Variants in PPRC1 observed in about 807,000 individuals in gnomAD.
PPRC1 encodes peroxisome proliferator-activated receptor gamma coactivator-related protein 1.
A neutral mutation model predicts 132.5 loss-of-function variants in PPRC1; 23 were observed. The observed-to-expected ratio is 0.17, with a 90% CI of 0.12 to 0.25. The LOEUF (loss-of-function observed/expected upper bound fraction) is 0.25. Ranked by LOEUF, PPRC1 falls within the 10% of genes least tolerant of loss-of-function variation. The pLI, the probability that PPRC1 is intolerant of heterozygous loss-of-function variation, is 1.00. For missense variants in PPRC1, 2,006 were observed against 2,089.1 expected, an observed-to-expected ratio of 0.96 and a Z score of 0.78; for synonymous variants, 872 against 833.5, an observed-to-expected ratio of 1.05 and a Z score of -0.80.
intron 9 of PPRC1, 53 bp downstream of exon 9, chr10:102,147,445 C>G: frequency 6.6e-7 from 1 of 1,522,252 alleles, no homozygotes; most frequent in East Asian, 2.3e-5. Context: ...TCACGTACTT[C>G]TGTGGTTTAC....
intron 6 of PPRC1, among the ~76,000 whole-genome samples, chr10:102,143,598 CAAAA>C (rs774584823): frequency 2.6e-4 from 15 of 57,906 alleles, no homozygotes; most frequent in Non-Finnish European, 4.5e-4. Context: ...GACTCTGTCT[CAAAA>C]AAAAAAAAAA....
At position 102,140,837 on chromosome 10, in the gene PPRC1, G is replaced by C. The variant is rs780228167; in HGVS notation, c.2329G>C (p.Gly777Arg). Residue 777 changes from glycine (G) to arginine (R), a missense_variant, in exon 5 of 14, where the codon GGG (glycine) becomes CGG (arginine). Physicochemically the swap from Gly to Arg is moderately radical, Grantham distance 125 (BLOSUM62 -2). Around this residue, in one of 2 missense-constraint regions of PPRC1, gnomAD observed 1,914 missense variants for 1,917.2 expected, o/e 1.00. Coordinates refer to ENST00000278070, the MANE Select transcript of PPRC1 (RefSeq NM_015062.5). Reference protein sequence around the residue: ...TEERSPQPPTGKWPSLPETPT... With the variant: ...TEERSPQPPTRKWPSLPETPT... ...AGAGAGAAGTCCACAGCCCCCAACTGGGAAGTGGCCTAGCCTTCCAGAGAC... is the reference window on the plus strand; with the variant it reads ...AGAGAGAAGTCCACAGCCCCCAACTCGGAAGTGGCCTAGCCTTCCAGAGAC... 1.9e-6 allele frequency: 3 copies of C among 1,613,888 alleles called. No individual in the cohort carries two copies. Among genetic ancestry groups the C allele is most frequent in the Non-Finnish European group, 2.5e-6 (3 of 1,180,028 alleles).
chr10:102,133,091 G>T lies in PPRC1; in HGVS notation c.23G>T (p.Arg8Ile). The change falls in exon 1 of 14, where the codon AGA (arginine) becomes ATA (isoleucine). Residue 8 changes from arginine (R) to isoleucine (I), a missense_variant. Physicochemically the swap from Arg to Ile is moderately conservative, Grantham distance 97. Around this residue, in one of 2 missense-constraint regions of PPRC1, gnomAD observed 1,914 missense variants for 1,917.2 expected, o/e 1.00. Transcript: ENST00000278070. ...AAGATGGCGGCGCGCCGGGGACGGA[G>T]AGACGGAGTCGCGCCGCCCCCGAGT... MAARRGR[R>I]DGVAPPPSGG... The T allele has an allele frequency of 8.0e-7, 1 of 1,243,598 alleles. No individual in the cohort carries two copies. The highest frequency in any genetic ancestry group is 1.0e-6 in the Non-Finnish European group (1 of 988,130). 77.0% of individuals were successfully genotyped at this position (1,243,598 alleles called of 1,614,324 possible). A position where few individuals can be genotyped will look rare whatever the true frequency, so the allele number is the denominator to read the frequency against.
chr10:102,128,992 C>T (rs529138544), upstream of PPRC1, among the ~76,000 whole-genome samples: 146 of 138,080 alleles, frequency 1.1e-3, 1 homozygote, highest in African/African-American at 3.9e-3. Flanking sequence ...TGCAGTGGCG[C>T]GATCTCGGCT....
Position 102,142,635 on chromosome 10 carries a change from C to T in PPRC1, c.3497-410C>T, listed in dbSNP as rs186011144. The stretch of plus-strand genomic sequence containing the variant: ...TTCACCATGTTGGCCAGGTTGGTCT[C>T]AATCTCCTGACCTCGTGATCCGCCT... On this transcript the variant is annotated intron_variant, in intron 5 of 13. Coordinates refer to ENST00000278070, the MANE Select transcript of PPRC1 (RefSeq NM_015062.5). Among the ~76,000 whole-genome samples the T allele has an allele frequency of 4.5e-3, 687 of 151,626 alleles. 6 individuals are homozygous for T. Among genetic ancestry groups the T allele is most frequent in the African/African-American group, 0.016 (656 of 41,300 alleles).
rs536656760 is a variant in PPRC1 at position 102,140,609 on chromosome 10, G to T, written c.2101G>T (p.Ala701Ser). Residue 701 changes from alanine (A) to serine (S), a missense_variant, in exon 5 of 14, where the codon GCC becomes TCC. Physicochemically the swap from Ala to Ser is moderately conservative, Grantham distance 99. Coordinates refer to ENST00000278070, the MANE Select transcript of PPRC1 (RefSeq NM_015062.5). ...TCCCAGACGTGGTGCAGTGTCATCA[G>T]CCCTGGGGGGTTCAGCACCCCAGCT... ...TDPRRGAVSS[A>S]LGGSAPQLLV... 1 of 1,614,080 alleles carries T rather than the reference G, an allele frequency of 6.2e-7. No individual in the cohort carries two copies. Among genetic ancestry groups the T allele is most frequent in the Admixed American group, 1.7e-5 (1 of 60,012 alleles).
chr10:102,142,694 G>A (rs972420750), intron 5 of PPRC1, among the ~76,000 whole-genome samples: 3 of 152,126 alleles, frequency 2.0e-5, no homozygotes, highest in Non-Finnish European at 4.4e-5. Flanking sequence ...GATTACAGGT[G>A]TAAGCCACCG....
the PPRC1 span, among the ~76,000 whole-genome samples, chr10:102,124,319 T>A: frequency 3.3e-5 from 5 of 152,002 alleles, no homozygotes; most frequent in African/African-American, 1.2e-4. Flanking sequence ...TGCCTTGGCC[T>A]CCCAAAGTGC....
In PPRC1 at chr10:102,146,764, G is replaced by T; in HGVS notation, c.3772G>T (p.Ala1258Ser). Residue 1258 changes from alanine to serine, a missense_variant, in exon 9 of 14, where the codon GCC becomes TCC. Physicochemically the swap from Ala to Ser is moderately conservative, Grantham distance 99. Transcript: ENST00000278070. The part of the protein sequence containing the change: ...LAKAKSPKST[A>S]QEGTLKPEGV... ...CAAAGCCAAATCTCCTAAGTCCACCGCCCAGGAGGGAACCCTGAAGCCTGA... is the reference window on the plus strand; with the variant it reads ...CAAAGCCAAATCTCCTAAGTCCACCTCCCAGGAGGGAACCCTGAAGCCTGA... The T allele has an allele frequency of 6.2e-7, 1 of 1,613,942 alleles. No individual in the cohort carries two copies. Among genetic ancestry groups the T allele is most frequent in the Non-Finnish European group, 8.5e-7 (1 of 1,179,978 alleles).
At chr10:102,134,420 A>G (rs1478095443) in intron 1 of PPRC1, among the ~76,000 whole-genome samples, 2 of 152,006 alleles carry the variant, frequency 1.3e-5, no homozygotes, top group African/African-American at 4.8e-5. Context: ...TTATTGTTCT[A>G]CTCTACAGTG....
At chr10:102,125,925 C>G in the PPRC1 span, among the ~76,000 whole-genome samples, 5 of 150,390 alleles carry the variant, frequency 3.3e-5, no homozygotes, top group African/African-American at 9.8e-5. Flanking sequence ...TGCAGTGGCA[C>G]AATCTCGGCT....
intron 2 of PPRC1, 33 bp downstream of exon 2, chr10:102,138,071 C>T (rs758852323): frequency 4.6e-5 from 74 of 1,597,730 alleles, no homozygotes; most frequent in East Asian, 3.8e-4. Flanking sequence ...AATCTTCAAG[C>T]AGGAGGTTTA....
chr10:102,141,120 C>T lies in PPRC1; in HGVS notation c.2612C>T (p.Thr871Ile), dbSNP rs1220223193. ...PVQSVSPAVP[T>I]PPSMSAALPF... ...CAGTCTGTGTCCCCTGCTGTGCCCA[C>T]ACCTCCCTCGATGTCTGCTGCCCTG... The change falls in exon 5 of 14, where the codon ACA (threonine) becomes ATA (isoleucine). Residue 871 changes from threonine (T) to isoleucine (I), a missense_variant. Physicochemically the swap from Thr to Ile is moderately conservative, Grantham distance 89. Transcript: ENST00000278070. 6.2e-7 allele frequency: 1 copy of T among 1,614,058 alleles called. No homozygotes were observed. Among genetic ancestry groups the T allele is most frequent in the Admixed American group, 1.7e-5 (1 of 60,024 alleles).
At chr10:102,121,802 G>C in the PPRC1 span, among the ~76,000 whole-genome samples, 2 of 152,184 alleles carry the variant, frequency 1.3e-5, no homozygotes, top group African/African-American at 4.8e-5. Flanking sequence ...TTGTTACTTA[G>C]AGGGGTGTTG....
chr10:102,139,551 T>C lies in PPRC1; in HGVS notation c.1043T>C (p.Ile348Thr), dbSNP rs1278771398. Residue 348 changes from isoleucine (I) to threonine (T), a missense_variant, in exon 5 of 14, where the codon ATT becomes ACT. Physicochemically the swap from Ile to Thr is moderately conservative, Grantham distance 89. Around this residue, in one of 2 missense-constraint regions of PPRC1, gnomAD observed 1,914 missense variants for 1,917.2 expected, o/e 1.00. Transcript: ENST00000278070. ...TLPEGCVVLE[I>T]VGQAATAGDD... ...CCTGAGGGCTGCGTAGTGCTGGAGA[T>C]TGTGGGGCAGGCAGCCACAGCTGGC... The C allele has an allele frequency of 1.2e-6, 2 of 1,613,886 alleles. No individual in the cohort carries two copies. The highest frequency in any genetic ancestry group is 1.7e-6 in the Non-Finnish European group (2 of 1,179,912).
rs773668365 is a variant in PPRC1, at chr10:102,138,905, G to T, written c.516G>T (p.Arg172=). 2 of 1,614,056 alleles carry T rather than the reference G, an allele frequency of 1.2e-6. No individual in the cohort carries two copies. The highest frequency in any genetic ancestry group is 1.7e-6 in the Non-Finnish European group (2 of 1,180,002). ...SSLHKLLTLS[R]TPPERDLITP... is the part of the protein sequence containing the mutation. ...TGCACAAGCTGCTTACTCTCTCTCGGACACCCCCAGAACGTGACCTCATCA... is the reference window on the plus strand; with the variant it reads ...TGCACAAGCTGCTTACTCTCTCTCGTACACCCCCAGAACGTGACCTCATCA... Residue 172 remains arginine, a synonymous_variant, in exon 4 of 14, where the codon CGG becomes CGT. Transcript: ENST00000278070.
At chr10:102,137,717 T>C (rs1190142920) in intron 1 of PPRC1, 133 bp from the exon 2 acceptor site, 1 of 804,430 alleles carries the variant, frequency 1.2e-6, no homozygotes, top group African/African-American at 1.8e-5. Flanking sequence ...TCTGCTCTGC[T>C]AGCCCAGAAG....
rs770649952 is a variant in PPRC1, at chr10:102,148,640, T to C, written c.4563T>C (p.Tyr1521=). ...RSDRRRRYSS[Y]RSHDHYQRQR... ...CCTCTTTTGTCAGGTACAGCTCTTA[T>C]CGTTCACATGACCATTACCAAAGGC... Residue 1521 remains tyrosine, a synonymous_variant, in exon 11 of 14, where the codon TAT becomes TAC. Transcript: ENST00000278070. The surrounding 1 kb of genome is among the most constrained non-coding windows in gnomAD (Gnocchi z 4.2). 3.1e-6 allele frequency: 5 copies of C among 1,614,030 alleles called. No homozygotes were observed. The African/African-American group carries it at 6.7e-5, about 22-fold the overall frequency.
the PPRC1 span, among the ~76,000 whole-genome samples, chr10:102,127,685 C>T: frequency 1.1e-4 from 17 of 151,950 alleles, no homozygotes; most frequent in African/African-American, 3.9e-4. Flanking sequence ...GGATTACAGG[C>T]GAGAGTCACC....
Sources: allele counts gnomAD v4.1 joint callset (sites outside exome capture counted in the v4.1 genomes callset), GRCh38; gene constraint gnomAD v4.1.1; regional missense constraint gnomAD v4.1.1; non-coding constraint Gnocchi (gnomAD v3.1); transcripts MANE v1.5; gene names NCBI Gene and HGNC (gene_info 2026-07-23, HGNC 2026-07-21).